CLEC2A: variants seen among roughly 807,000 people sequenced by gnomAD.
The protein encoded by CLEC2A is keratinocyte-associated C-type lectin.
CLEC2A carries 19 observed loss-of-function variants against 18.6 expected under a neutral mutation model. That is an observed-to-expected ratio of 1.02 (90% confidence interval 0.71 to 1.50). The LOEUF (loss-of-function observed/expected upper bound fraction) is 1.50, where lower values mean the gene tolerates loss of function less well. Ranked by LOEUF, CLEC2A falls within the 40% of genes most tolerant of loss-of-function variation. The probability of loss-of-function intolerance (pLI) is 0.00; values close to 1 mark genes in which losing one functional copy is unlikely to be tolerated. For synonymous variants in CLEC2A, 74 were observed against 64.0 expected (o/e 1.16, Z -0.75); for missense variants, 190 against 207.9 (o/e 0.91, Z 0.53).
the CLEC2A span, among the ~76,000 whole-genome samples, chr12:9,891,202 G>A: frequency 6.6e-6 from 1 of 152,130 alleles, no homozygotes; most frequent in Non-Finnish European, 1.5e-5. Flanking sequence ...TTAGAAACCT[G>A]CCTGGCCCAC....
At chr12:9,882,663 C>T in the CLEC2A span, among the ~76,000 whole-genome samples, 6 of 151,954 alleles carry the variant, frequency 3.9e-5, no homozygotes, top group Non-Finnish European at 5.9e-5. Flanking sequence ...TGCCTGTAAT[C>T]CCAACTACTT....
the CLEC2A span, among the ~76,000 whole-genome samples, chr12:9,889,670 G>A: frequency 6.7e-6 from 1 of 149,528 alleles, no homozygotes; most frequent in African/African-American, 2.5e-5. Context: ...GTATATATAT[G>A]TATATATATA....
chr12:9,899,750 T>C (rs1313099436), intron 4 of CLEC2A, among the ~76,000 whole-genome samples: 1 of 152,238 alleles, frequency 6.6e-6, no homozygotes, highest in African/African-American at 2.4e-5. Context: ...ACCTCATTTA[T>C]GCCATGGATA....
chr12:9,919,548 CT>C (rs1388430985), intron 3 of CLEC2A, among the ~76,000 whole-genome samples: 1 of 152,208 alleles, frequency 6.6e-6, no homozygotes, highest in Non-Finnish European at 1.5e-5. Flanking sequence ...CCTGTTGCCC[CT>C]GGAGGCTCTC....
chr12:9,899,934 A>G (rs1381651424), intron 4 of CLEC2A, among the ~76,000 whole-genome samples: 2 of 152,176 alleles, frequency 1.3e-5, no homozygotes, highest in Admixed American at 1.3e-4. Context: ...TGAGTCTAGG[A>G]CAAAAACATG....
At chr12:9,921,689 CAT>C (rs1392124211) in intron 3 of CLEC2A, among the ~76,000 whole-genome samples, 1 of 152,144 alleles carries the variant, frequency 6.6e-6, no homozygotes, top group Admixed American at 6.5e-5. Context: ...AGTAAATTAA[CAT>C]ATATTTTCAT....
chr12:9,885,138 A>G, the CLEC2A span: 3 of 367,518 alleles, frequency 8.2e-6, no homozygotes, highest in Non-Finnish European at 1.4e-5. Flanking sequence ...CAAAACTGGC[A>G]TATGTCATAT....
chr12:9,895,158 G>A (rs537271652), downstream of CLEC2A, among the ~76,000 whole-genome samples: 3 of 152,252 alleles, frequency 2.0e-5, no homozygotes, highest in East Asian at 3.9e-4. Context: ...AATCTTGGGC[G>A]ACTGCCTCCC....
chr12:9,899,511 C>T (rs1862796578), intron 4 of CLEC2A, among the ~76,000 whole-genome samples: 1 of 152,184 alleles, frequency 6.6e-6, no homozygotes, highest in South Asian at 2.1e-4. Flanking sequence ...GTGTCCCTGA[C>T]TCCCTTCTCT....
intron 1 of CLEC2A, among the ~76,000 whole-genome samples, chr12:9,930,333 A>C (rs1863354327): frequency 6.6e-6 from 1 of 152,184 alleles, no homozygotes; most frequent in South Asian, 2.1e-4. Flanking sequence ...CAATATATAA[A>C]ATTTTAAGGG....
the CLEC2A span, among the ~76,000 whole-genome samples, chr12:9,885,519 T>C: frequency 2.0e-5 from 3 of 151,868 alleles, no homozygotes. Context: ...AGTAGTGTTT[T>C]ACATATAACA....
At chr12:9,881,180 A>C in the CLEC2A span, among the ~76,000 whole-genome samples, 15 of 152,170 alleles carry the variant, frequency 9.9e-5, no homozygotes, top group Non-Finnish European at 4.4e-5. Context: ...TTTAATTTGA[A>C]TTTTTATTTA....
At chr12:9,892,912 A>G in the CLEC2A span, 1 of 1,068,004 alleles carries the variant, frequency 9.4e-7, no homozygotes, top group Non-Finnish European at 1.3e-6. Context: ...CCAAAAAAAA[A>G]AAAATGAGTT....
chr12:9,929,420 T>C (rs1435440769), intron 1 of CLEC2A, among the ~76,000 whole-genome samples: 2 of 152,158 alleles, frequency 1.3e-5, no homozygotes, highest in African/African-American at 2.4e-5. Flanking sequence ...CATACAACAT[T>C]AGCAATTTAA....
At chr12:9,883,663 A>G in the CLEC2A span, among the ~76,000 whole-genome samples, 1 of 152,182 alleles carries the variant, frequency 6.6e-6, no homozygotes, top group Non-Finnish European at 1.5e-5. Context: ...GTCTTTCCAT[A>G]TTTGCTTGAA....
At chr12:9,892,722 T>C in the CLEC2A span, among the ~76,000 whole-genome samples, 3 of 151,748 alleles carry the variant, frequency 2.0e-5, no homozygotes, top group Admixed American at 6.6e-5. Flanking sequence ...GTAGCTGGGA[T>C]TACAGGCATG....
At chr12:9,888,805 TG>T in the CLEC2A span, 1 of 1,416,586 alleles carries the variant, frequency 7.1e-7, no homozygotes, top group Non-Finnish European at 9.6e-7. Context: ...GTTTGTTATG[TG>T]CTACTCTTAG....
chr12:9,931,751 C>A (rs1863378999), intron 1 of CLEC2A, among the ~76,000 whole-genome samples: 1 of 152,072 alleles, frequency 6.6e-6, no homozygotes, highest in African/African-American at 2.4e-5. Context: ...ACAATTCATT[C>A]GTTTTCTTTA....
chr12:9,919,759 G>A (rs1863133617), intron 3 of CLEC2A, among the ~76,000 whole-genome samples: 1 of 152,160 alleles, frequency 6.6e-6, no homozygotes. Flanking sequence ...GATACCTGTA[G>A]GTACCAACAG....
Sources: gnomAD v4.1 joint callset for allele counts (sites outside exome capture counted in the v4.1 genomes callset) on GRCh38, gnomAD v4.1.1 for gene constraint, MANE v1.5 for transcripts, NCBI Gene and HGNC (gene_info 2026-07-23, HGNC 2026-07-21) for gene names.